The following TMEM232 variants were observed in gnomAD, a reference collection of about 807,000 sequenced individuals.
TMEM232 encodes transmembrane protein 232.
A neutral mutation model predicts 78.8 loss-of-function variants in TMEM232; 80 were observed. That is an observed-to-expected ratio of 1.01 (90% CI 0.85 to 1.22). The LOEUF (loss-of-function observed/expected upper bound fraction) is 1.22, where lower values mean the gene tolerates loss of function less well. TMEM232 is among the 50% of genes most tolerant of loss of function. The pLI is 0.00. For missense variants in TMEM232, 881 were observed against 742.2 expected (o/e 1.19, Z -2.17); for synonymous variants, 297 against 254.3 (o/e 1.17, Z -1.60).
intron 11 of TMEM232, among the ~76,000 whole-genome samples, chr5:110,554,344 A>G (rs1430130282): frequency 2.0e-5 from 3 of 152,008 alleles, no homozygotes; most frequent in African/African-American, 7.3e-5. Flanking sequence ...CTGCTACTCC[A>G]AGTTCTTCAG....
chr5:110,696,930 G>A (rs547326609), intron 1 of TMEM232, among the ~76,000 whole-genome samples: 34 of 152,006 alleles, frequency 2.2e-4, no homozygotes, highest in African/African-American at 6.3e-4. Context: ...GTTTCTTCAC[G>A]GAATTGGAAA....
chr5:110,474,007 G>T (rs956677286), intron 12 of TMEM232, among the ~76,000 whole-genome samples: 1 of 149,944 alleles, frequency 6.7e-6, no homozygotes, highest in Admixed American at 6.6e-5. Flanking sequence ...GAGAGAAATG[G>T]GGAGAGGTTG....
intron 12 of TMEM232, among the ~76,000 whole-genome samples, chr5:110,475,881 A>G (rs532163519): frequency 2.0e-5 from 3 of 152,006 alleles, no homozygotes; most frequent in African/African-American, 7.2e-5. Flanking sequence ...ATCAATTTCT[A>G]ACCAAAGTGG....
chr5:110,718,569 A>G (rs1797259092), intron 1 of TMEM232, among the ~76,000 whole-genome samples: 1 of 151,978 alleles, frequency 6.6e-6, no homozygotes, highest in African/African-American at 2.4e-5. Context: ...AACGTCTGAG[A>G]GTGGATTTCT....
At chr5:110,575,745 G>C (rs1777504847) in intron 10 of TMEM232, among the ~76,000 whole-genome samples, 1 of 152,006 alleles carries the variant, frequency 6.6e-6, no homozygotes, top group Non-Finnish European at 1.5e-5. Flanking sequence ...AGCAGTGAGT[G>C]AATGTGTGAC....
chr5:110,645,198 A>T (rs2150033812), intron 2 of TMEM232, among the ~76,000 whole-genome samples: 1 of 151,846 alleles, frequency 6.6e-6, no homozygotes, highest in Admixed American at 6.6e-5. Flanking sequence ...AAAAAATACA[A>T]GAAGGAACAC....
At chr5:110,616,331 C>T (rs1040924585) in intron 8 of TMEM232, among the ~76,000 whole-genome samples, 2 of 151,930 alleles carry the variant, frequency 1.3e-5, no homozygotes, top group African/African-American at 2.4e-5. Context: ...ATAATCTCTT[C>T]AATACATGGT....
chr5:110,500,875 T>C (rs2149442798), intron 12 of TMEM232, among the ~76,000 whole-genome samples: 1 of 152,292 alleles, frequency 6.6e-6, no homozygotes, highest in Non-Finnish European at 1.5e-5. Flanking sequence ...GTTGTGAAAA[T>C]GTAAAGCTTT....
chr5:110,508,884 GTGTATATA>G (rs891829329), intron 12 of TMEM232, among the ~76,000 whole-genome samples: 26 of 134,746 alleles, frequency 1.9e-4, no homozygotes, highest in African/African-American at 7.4e-4. Context: ...ACATATATAT[GTGTATATA>G]TGTATATATA....
intron 8 of TMEM232, among the ~76,000 whole-genome samples, chr5:110,607,016 G>C (rs201400725): frequency 7.2e-6 from 1 of 139,266 alleles, no homozygotes; most frequent in Non-Finnish European, 1.5e-5. Context: ...AAATTTAAAA[G>C]TTAGTATATT....
intron 4 of TMEM232, chr5:110,388,169 G>C (rs1755052781): frequency 6.6e-6 from 1 of 152,166 alleles, no homozygotes; most frequent in Non-Finnish European, 1.5e-5. Flanking sequence ...GGGAGGCTGT[G>C]TCTGATTTAC....
intron 10 of TMEM232, among the ~76,000 whole-genome samples, chr5:110,595,137 T>A (rs528754914): frequency 2.6e-5 from 4 of 152,216 alleles, no homozygotes; most frequent in African/African-American, 9.6e-5. Context: ...ATACAGGGTC[T>A]GGAGTGGACC....
intron 10 of TMEM232, among the ~76,000 whole-genome samples, chr5:110,593,366 GA>G (rs1388424155): frequency 1.3e-5 from 2 of 152,058 alleles, no homozygotes; most frequent in Non-Finnish European, 2.9e-5. Flanking sequence ...AAGTCTTCAG[GA>G]AAAGATTTGA....
At chr5:110,483,435 A>G (rs968860092) in intron 12 of TMEM232, among the ~76,000 whole-genome samples, 1 of 152,146 alleles carries the variant, frequency 6.6e-6, no homozygotes, top group Non-Finnish European at 1.5e-5. Context: ...GGGAATGTAA[A>G]TATGTTCAAC....
At chr5:110,667,766 T>C (rs1309542707) in intron 1 of TMEM232, 1 of 153,096 alleles carries the variant, frequency 6.5e-6, no homozygotes, top group Admixed American at 6.6e-5. Flanking sequence ...TGTAAATTGC[T>C]TAGAATGAGC....
chr5:110,716,744 A>G (rs1422000180), intron 1 of TMEM232, among the ~76,000 whole-genome samples: 1 of 152,112 alleles, frequency 6.6e-6, no homozygotes, highest in African/African-American at 2.4e-5. Flanking sequence ...TGTTTTACAG[A>G]TTGTCACTCT....
chr5:110,401,123 A>T (rs188851671), intron 2 of TMEM232, among the ~76,000 whole-genome samples: 18 of 152,134 alleles, frequency 1.2e-4, no homozygotes, highest in African/African-American at 3.9e-4. Flanking sequence ...TACCTGTCCA[A>T]AGCCACGGTA....
intron 2 of TMEM232, among the ~76,000 whole-genome samples, chr5:110,642,738 G>T (rs1001800298): frequency 2.6e-5 from 4 of 152,030 alleles, no homozygotes; most frequent in African/African-American, 9.7e-5. Flanking sequence ...ATTCATTTAA[G>T]CTAAACTTTT....
chr5:110,520,669 C>G (rs1173235938), intron 12 of TMEM232, among the ~76,000 whole-genome samples: 1 of 152,116 alleles, frequency 6.6e-6, no homozygotes, highest in Non-Finnish European at 1.5e-5. Context: ...CCTGTAATCC[C>G]AGCACTTTGG....
Sources: allele counts gnomAD v4.1 joint callset (sites outside exome capture counted in the v4.1 genomes callset), GRCh38; gene constraint gnomAD v4.1.1; transcripts MANE v1.5; gene names NCBI Gene and HGNC (gene_info 2026-07-23, HGNC 2026-07-21).